Variants in MTMR8 observed in about 807,000 individuals in gnomAD.
MTMR8 encodes the protein phosphatidylinositol-3,5-bisphosphate 3-phosphatase MTMR8.
MTMR8 carries 65 observed loss-of-function variants against 39.3 expected under a neutral mutation model. That is an observed-to-expected ratio of 1.65 (90% confidence interval 1.35 to 2.03). The LOEUF (loss-of-function observed/expected upper bound fraction) is 2.03, where lower values mean the gene tolerates loss of function less well. Among genes scored for constraint, MTMR8 ranks in the 30% most tolerant of loss-of-function variants. The probability of loss-of-function intolerance (pLI) is 0.00; values close to 1 mark genes in which losing one functional copy is unlikely to be tolerated. For missense variants in MTMR8, 777 were observed against 538.9 expected (o/e 1.44, Z -4.37); for synonymous variants, 245 against 185.2 (o/e 1.32, Z -2.62).
chrX:64,379,193 A>T (rs1193797511), intron 1 of MTMR8, among the ~76,000 whole-genome samples: 1 of 111,806 alleles, frequency 8.9e-6, no homozygotes, highest in Non-Finnish European at 1.9e-5. Context: ...GGTGAATTCC[A>T]CCAAACAATT....
chrX:64,347,705 A>T (rs749537603), intron 6 of MTMR8, among the ~76,000 whole-genome samples: 10 of 112,788 alleles, frequency 8.9e-5, no homozygotes, highest in African/African-American at 3.2e-4. Context: ...ATACCAAATT[A>T]TAAGCAAAAT....
At chrX:64,283,872 G>GA (rs1430403370) in intron 12 of MTMR8, among the ~76,000 whole-genome samples, 5 of 112,027 alleles carry the variant, frequency 4.5e-5, no homozygotes, top group African/African-American at 1.6e-4. Flanking sequence ...CAAAGATGGG[G>GA]AAAAAACAGA....
intron 1 of MTMR8, among the ~76,000 whole-genome samples, chrX:64,362,447 C>A (rs1288449831): frequency 4.4e-3 from 65 of 14,910 alleles, no homozygotes; most frequent in Admixed American, 0.013. Flanking sequence ...ACAACAACAA[C>A]AAAAAACCTC....
intron 12 of MTMR8, among the ~76,000 whole-genome samples, chrX:64,300,983 G>A (rs1347677452): frequency 1.9e-5 from 2 of 107,152 alleles, no homozygotes; most frequent in East Asian, 3.0e-4. Flanking sequence ...AGGGTAACCC[G>A]ACCTTTCTCT....
rs1923583010 is a variant in MTMR8, at chrX:64,354,864, C to G, written c.381G>C (p.Trp127Cys). 1 of 1,204,283 alleles carries G rather than the reference C, an allele frequency of 8.3e-7. No homozygotes were observed. Among genetic ancestry groups the G allele is most frequent in the African/African-American group, 1.8e-5 (1 of 57,018 alleles). The change falls in exon 4 of 14, where the codon TGG becomes TGC. Residue 127 changes from tryptophan to cysteine, a missense_variant. Physicochemically the swap from Trp to Cys is radical, Grantham distance 215 (BLOSUM62 -2). Coordinates refer to ENST00000374852, the MANE Select transcript of MTMR8 (RefSeq NM_017677.4). Reference sequence around the variant, plus strand: ...AGTCTGATATTGGGTCAATCAGTTTCCATCCACTTTCCCTCATCTCTTTTG... The same window carrying G: ...AGTCTGATATTGGGTCAATCAGTTTGCATCCACTTTCCCTCATCTCTTTTG... Reference protein sequence around the residue: ...KSSKEMRESGWKLIDPISDFG... With the variant: ...KSSKEMRESGCKLIDPISDFG...
intron 12 of MTMR8, among the ~76,000 whole-genome samples, chrX:64,315,571 T>C (rs914080751): frequency 1.1e-4 from 12 of 112,155 alleles, no homozygotes; most frequent in South Asian, 3.7e-4. Context: ...GCTGCTTCCA[T>C]TTATGTTTTC....
At chrX:64,314,768 T>C (rs1922415570) in intron 12 of MTMR8, among the ~76,000 whole-genome samples, 1 of 112,120 alleles carries the variant, frequency 8.9e-6, no homozygotes, top group South Asian at 3.7e-4. Context: ...CACAGGAAGC[T>C]GTATTGTGGG....
intron 6 of MTMR8, among the ~76,000 whole-genome samples, chrX:64,346,352 C>G (rs1289914982): frequency 9.0e-6 from 1 of 110,927 alleles, no homozygotes; most frequent in African/African-American, 3.3e-5. Context: ...GTGTGCTAAA[C>G]ATATTCTGTT....
chrX:64,295,803 A>G (rs894369365), intron 12 of MTMR8, among the ~76,000 whole-genome samples: 4 of 112,193 alleles, frequency 3.6e-5, no homozygotes, highest in African/African-American at 1.3e-4. Flanking sequence ...AATAAAAGGA[A>G]AAATGCAATT....
chrX:64,302,262 C>G (rs1921913768), intron 12 of MTMR8, among the ~76,000 whole-genome samples: 1 of 112,480 alleles, frequency 8.9e-6, no homozygotes, highest in African/African-American at 3.2e-5. Context: ...GGGATATAGT[C>G]TCATGGTGCG....
intron 12 of MTMR8, among the ~76,000 whole-genome samples, chrX:64,285,636 C>G (rs966869429): frequency 8.9e-6 from 1 of 112,166 alleles, no homozygotes; most frequent in Non-Finnish European, 1.9e-5. Context: ...TCTCAGACCA[C>G]AGTCCAATCA....
chrX:64,294,279 C>T (rs1219877906), intron 12 of MTMR8, among the ~76,000 whole-genome samples: 1 of 111,666 alleles, frequency 9.0e-6, no homozygotes, highest in Non-Finnish European at 1.9e-5. Context: ...GCCTAACATG[C>T]TCCAATTGGG....
chrX:64,268,731 A>T lies in MTMR8; in HGVS notation c.1921T>A (p.Cys641Ser). The T allele has an allele frequency of 8.3e-7, 1 of 1,211,591 alleles. No individual in the cohort carries two copies. The highest frequency in any genetic ancestry group is 1.8e-5 in the South Asian group (1 of 56,966). ...GAGAAGCCCGTAGCCTCAAAGGTGC[A>T]CATGTCTCCAGAGATGCCCATGGCC... ...SEAMGISGDM[C>S]TFEATGFSKD... The change falls in exon 14 of 14, where the codon TGC becomes AGC. Residue 641 changes from cysteine (C) to serine (S), a missense_variant. Physicochemically the swap from Cys to Ser is moderately radical, Grantham distance 112. Coordinates refer to ENST00000374852, the MANE Select transcript of MTMR8 (RefSeq NM_017677.4).
chrX:64,352,322 T>G (rs1007693484), intron 4 of MTMR8, among the ~76,000 whole-genome samples: 2 of 111,729 alleles, frequency 1.8e-5, no homozygotes, highest in African/African-American at 6.5e-5. Flanking sequence ...CTTTGTCCCC[T>G]GAACCTTTTC....
chrX:64,285,743 T>C (rs928770569), intron 12 of MTMR8, among the ~76,000 whole-genome samples: 3 of 111,031 alleles, frequency 2.7e-5, no homozygotes, highest in Non-Finnish European at 5.7e-5. Flanking sequence ...CATAACGAAA[T>C]GAAGGCAGAA....
chrX:64,287,303 C>T lies in MTMR8; in HGVS notation c.1482-16230G>A, dbSNP rs1226355212. 1.2e-4 allele frequency among the ~76,000 whole-genome samples: 13 copies of T among 110,428 alleles called. No homozygotes were observed. In the South Asian group the frequency reaches 3.1e-3, roughly 26 times the overall value. On this transcript the variant is annotated intron_variant, in intron 12 of 13. Transcript: ENST00000374852. ...AGGAGAACTACAAACCACTGCTCAA[C>T]GAAATAAAAGAGGATACAAACAAAT...
chrX:64,392,637 C>T (rs963587431), intron 1 of MTMR8, among the ~76,000 whole-genome samples: 1 of 110,435 alleles, frequency 9.1e-6, no homozygotes, highest in Non-Finnish European at 1.9e-5. Flanking sequence ...GTAGCGGTTG[C>T]ACAGGTGTGT....
chrX:64,356,177 T>C lies in MTMR8; in HGVS notation c.309A>G (p.Pro103=). 8.3e-7 allele frequency: 1 copy of C among 1,203,254 alleles called. No homozygotes were observed. The highest frequency in any genetic ancestry group is 1.1e-6 in the Non-Finnish European group (1 of 891,424). Residue 103 remains proline (P), a splice_region_variant and synonymous_variant, in exon 3 of 14, where the codon CCA becomes CCG. Transcript: ENST00000374852. The part of the protein sequence containing the change: ...VYISLLKLSQ[P]ALPEDLYAFS... ...AGATAAAAATACTATCATAACTACC[T>C]GGCTGAGAAAGCTTGAGCAGTGAAA... is the stretch of plus-strand genomic sequence containing the variant.
chrX:64,332,966 G>A (rs1472110055), intron 10 of MTMR8, among the ~76,000 whole-genome samples: 1 of 110,853 alleles, frequency 9.0e-6, no homozygotes, highest in Non-Finnish European at 1.9e-5. Flanking sequence ...ATTCCTGTTG[G>A]CTTCTCTTTT....
Sources: gnomAD v4.1 joint callset for allele counts (sites outside exome capture counted in the v4.1 genomes callset) on GRCh38, gnomAD v4.1.1 for gene constraint, MANE v1.5 for transcripts, NCBI Gene and HGNC (gene_info 2026-07-23, HGNC 2026-07-21) for gene names.